GDPD4: variants seen among roughly 807,000 people sequenced by gnomAD.
GDPD4 encodes glycerophosphodiester phosphodiesterase domain containing 4, also known as glycerophosphodiester phosphodiesterase 6.
GDPD4 carries 60 observed loss-of-function variants against 67.8 expected under a neutral mutation model. The ratio of observed to expected loss-of-function variants is 0.88; its 90% CI spans 0.72 to 1.10. The LOEUF (loss-of-function observed/expected upper bound fraction) is 1.10, where lower values mean the gene tolerates loss of function less well. Ranked by LOEUF, GDPD4 falls within the 50% of genes least tolerant of loss-of-function variation. GDPD4 has a pLI of 0.00. For synonymous variants in GDPD4, 212 were observed against 210.9 expected (o/e 1.00, Z -0.04); for missense variants, 623 against 613.9 (o/e 1.01, Z -0.16).
chr11:77,257,552 T>TGCACAC (rs1959025210), intron 11 of GDPD4, among the ~76,000 whole-genome samples: 15 of 134,266 alleles, frequency 1.1e-4, no homozygotes, highest in Non-Finnish European at 2.2e-4. Flanking sequence ...CTCCCTCTCC[T>TGCACAC]ACACACACAC....
intron 10 of GDPD4, among the ~76,000 whole-genome samples, chr11:77,262,871 A>AAAAAG (rs1959147075): frequency 6.7e-6 from 1 of 150,030 alleles, no homozygotes; most frequent in Non-Finnish European, 1.5e-5. Flanking sequence ...AAAAAAAAAA[A>AAAAAG]AAAAAAGGAG....
intron 11 of GDPD4, among the ~76,000 whole-genome samples, chr11:77,257,319 G>GTT (rs1168628278): frequency 2.0e-5 from 3 of 152,058 alleles, no homozygotes; most frequent in Admixed American, 2.0e-4. Context: ...AGGTTGTTTT[G>GTT]TTTTCTTTAA....
rs1303840859 is a variant in GDPD4, at chr11:77,284,998, C to G, written c.53+87G>C. 4 of 967,436 alleles carry G rather than the reference C, an allele frequency of 4.1e-6. No individual in the cohort carries two copies. The South Asian group carries it at 4.2e-5, about 10-fold the overall frequency. The allele number at this position is 967,436 out of a possible 1,614,324, so 59.9% of individuals were successfully genotyped here. Reference sequence around the variant, plus strand: ...TTGTCCGCCTTCCCTACTATATCACCGGATCTTTTCAGCCTGAGGTAGAAT... The same window carrying G: ...TTGTCCGCCTTCCCTACTATATCACGGGATCTTTTCAGCCTGAGGTAGAAT... On this transcript the variant is annotated intron_variant, in intron 3 of 16. Coordinates refer to ENST00000315938, the MANE Select transcript of GDPD4 (RefSeq NM_182833.3).
chr11:77,258,397 C>G lies in GDPD4; in HGVS notation c.853G>C (p.Val285Leu). 6.2e-7 allele frequency: 1 copy of G among 1,614,022 alleles called. No individual in the cohort carries two copies. The highest frequency in any genetic ancestry group is 8.5e-7 in the Non-Finnish European group (1 of 1,179,924). Residue 285 changes from valine to leucine, a missense_variant, in exon 11 of 17, where the codon GTA becomes CTA. Coordinates refer to ENST00000315938, the MANE Select transcript of GDPD4 (RefSeq NM_182833.3). ...GGAATGTGTCTTACCTCTGGTTTTA[C>G]AAACCATTTGCCTGCATTCAGAGTC... ...LSTLNAGKWF[V>L]KPELRPFYNM...
intron 11 of GDPD4, among the ~76,000 whole-genome samples, chr11:77,255,246 G>T (rs1426847138): frequency 6.6e-6 from 1 of 152,058 alleles, no homozygotes; most frequent in Non-Finnish European, 1.5e-5. Flanking sequence ...ATTCAAAACT[G>T]GAGACAGTTT....
chr11:77,224,606 TCTA>T (rs369926746), intron 16 of GDPD4, among the ~76,000 whole-genome samples: 50 of 152,280 alleles, frequency 3.3e-4, no homozygotes, highest in African/African-American at 1.1e-3. Flanking sequence ...TGACTTCACT[TCTA>T]CAACTATGAG....
At chr11:77,261,163 T>C (rs1304975826) in intron 10 of GDPD4, among the ~76,000 whole-genome samples, 3 of 152,170 alleles carry the variant, frequency 2.0e-5, no homozygotes, top group African/African-American at 2.4e-5. Flanking sequence ...TTGTGATACA[T>C]AAACTACAGG....
At chr11:77,293,052 A>C (rs1484320867) in intron 1 of GDPD4, among the ~76,000 whole-genome samples, 1 of 152,246 alleles carries the variant, frequency 6.6e-6, no homozygotes, top group African/African-American at 2.4e-5. Context: ...GGTGAATTCT[A>C]CCAAACATCT....
In GDPD4 at chr11:77,217,225, A is replaced by T; in HGVS notation, c.*52T>A. 4 of 1,368,542 alleles carry T rather than the reference A, an allele frequency of 2.9e-6. No homozygotes were observed. The highest frequency in any genetic ancestry group is 4.2e-6 in the Non-Finnish European group (4 of 955,940). 84.8% of individuals were successfully genotyped at this position (1,368,542 alleles called of 1,614,324 possible). On this transcript the variant is annotated 3_prime_UTR_variant, in exon 17 of 17. Transcript: ENST00000315938. Reference sequence around the variant, plus strand: ...GGTAGAGGGCTGCTAGAGTCCAAGGACCTTCCACAACTCGGACAGGAGGTT... The same window carrying T: ...GGTAGAGGGCTGCTAGAGTCCAAGGTCCTTCCACAACTCGGACAGGAGGTT...
At chr11:77,219,405 G>T (rs1443806430) in intron 16 of GDPD4, among the ~76,000 whole-genome samples, 2 of 152,058 alleles carry the variant, frequency 1.3e-5, no homozygotes, top group Non-Finnish European at 1.5e-5. Flanking sequence ...GTCTATTTTG[G>T]CTTTTGTTGC....
intron 10 of GDPD4, among the ~76,000 whole-genome samples, chr11:77,266,260 A>G (rs1429971918): frequency 6.6e-6 from 1 of 152,140 alleles, no homozygotes; most frequent in Non-Finnish European, 1.5e-5. Context: ...CTCATATATG[A>G]CAGTGGCCCC....
At chr11:77,228,950 T>C (rs1773047835) in intron 15 of GDPD4, among the ~76,000 whole-genome samples, 200 bp downstream of exon 15, 1 of 152,206 alleles carries the variant, frequency 6.6e-6, no homozygotes, top group Admixed American at 6.5e-5. Context: ...TGACAGTCCC[T>C]ATCCTGAAAA....
At chr11:77,245,073 A>G (rs918752346) in intron 12 of GDPD4, among the ~76,000 whole-genome samples, 4 of 152,238 alleles carry the variant, frequency 2.6e-5, no homozygotes, top group African/African-American at 9.6e-5. Context: ...AACAGCCTCA[A>G]TGATTTTCCC....
At position 77,235,149 on chromosome 11, in the gene GDPD4, G is replaced by A. The variant is rs546958733; in HGVS notation, c.1242-1977C>T. Among the ~76,000 whole-genome samples, 83 of 149,576 alleles carry A rather than the reference G, an allele frequency of 5.5e-4. 1 individual carries two copies. Among genetic ancestry groups the A allele is most frequent in the African/African-American group, 1.9e-3 (79 of 40,608 alleles). ...TGAGGATGTTTTCATATGTTTGTTA[G>A]TTGCTTGTATGTCTTCTTTTGAGAA... On this transcript the variant is annotated intron_variant, in intron 13 of 16. Transcript: ENST00000315938.
chr11:77,248,453 G>A (rs571582331), intron 11 of GDPD4, among the ~76,000 whole-genome samples: 3 of 151,894 alleles, frequency 2.0e-5, no homozygotes, highest in East Asian at 3.9e-4. Context: ...CACCTGTCTC[G>A]GCCTCCCAAG....
chr11:77,225,760 C>T (rs1958321416), intron 16 of GDPD4, among the ~76,000 whole-genome samples: 1 of 152,098 alleles, frequency 6.6e-6, no homozygotes, highest in Admixed American at 6.5e-5. Context: ...TCAGTAGGTG[C>T]AGCAGTACGT....
At chr11:77,294,795 T>C (rs950431097) in intron 1 of GDPD4, among the ~76,000 whole-genome samples, 11 of 151,824 alleles carry the variant, frequency 7.2e-5, no homozygotes, top group African/African-American at 2.4e-4. Context: ...AAGACAGACA[T>C]AGAGATCAAT....
chr11:77,252,071 T>G (rs140363774), intron 11 of GDPD4, among the ~76,000 whole-genome samples: 25,813 of 140,426 alleles, frequency 0.18, 2,499 homozygotes, highest in Non-Finnish European at 0.26. Flanking sequence ...TTTTGTTTTT[T>G]TTTTTTTTTT....
At chr11:77,294,115 C>T (rs148575212) in intron 1 of GDPD4, among the ~76,000 whole-genome samples, 4 of 152,228 alleles carry the variant, frequency 2.6e-5, no homozygotes, top group African/African-American at 9.6e-5. Flanking sequence ...TTTTAAATCA[C>T]TATTTACATC....
Sources: allele counts gnomAD v4.1 joint callset (sites outside exome capture counted in the v4.1 genomes callset), GRCh38; gene constraint gnomAD v4.1.1; transcripts MANE v1.5; gene names NCBI Gene and HGNC (gene_info 2026-07-23, HGNC 2026-07-21).